Variants in GYG2 observed in about 807,000 individuals in gnomAD.
The protein encoded by GYG2 is glycogenin 2.
Under a neutral mutation model 29.4 loss-of-function variants are expected in GYG2, and 29 were observed. That is an observed-to-expected ratio of 0.99 (90% CI 0.74 to 1.35). The LOEUF (loss-of-function observed/expected upper bound fraction) is 1.35, where lower values mean the gene tolerates loss of function less well. GYG2 is among the 40% of genes most tolerant of loss of function. The pLI, the probability that GYG2 is intolerant of heterozygous loss-of-function variation, is 0.00. For synonymous variants in GYG2, 167 were observed against 172.3 expected, an observed-to-expected ratio of 0.97 and a Z score of 0.24; for missense variants, 370 against 385.7, an observed-to-expected ratio of 0.96 and a Z score of 0.34.
intron 2 of GYG2, among the ~76,000 whole-genome samples, chrX:2,832,120 C>G (rs1479697318): frequency 8.9e-6 from 1 of 112,933 alleles, no homozygotes. Flanking sequence ...GGAAGCTAAG[C>G]CCTGTCAATC....
intron 8 of GYG2, among the ~76,000 whole-genome samples, chrX:2,868,277 G>A (rs769863902): frequency 9.3e-6 from 1 of 108,005 alleles, no homozygotes; most frequent in African/African-American, 3.4e-5. Flanking sequence ...GTAGGCTGAG[G>A]CAGGCAGTTC....
chrX:2,880,439 T>TGTGC lies in GYG2; in HGVS notation c.1252-612_1252-611insTGCG, dbSNP rs1555902174. Among the ~76,000 whole-genome samples, 124 of 103,759 alleles carry TGTGC rather than the reference T, an allele frequency of 1.2e-3. 8 individuals are homozygous for TGTGC. The East Asian group carries it at 0.019, about 16-fold the overall frequency. The allele number at this position is 103,759 out of a possible 115,157, so 90.1% of individuals were successfully genotyped here. ...TAGTGTGTGTGTGTGTGTGTGTGTG[T>TGTGC]GCACATGCGCATGTGTGCATGTGTG... On this transcript the variant is annotated intron_variant, in intron 10 of 10. Coordinates refer to ENST00000398806, the MANE Select transcript of GYG2 (RefSeq NM_001079855.2).
At chrX:2,862,554 T>C (rs1311313260) in intron 8 of GYG2, among the ~76,000 whole-genome samples, 2 of 111,354 alleles carry the variant, frequency 1.8e-5, no homozygotes, top group Admixed American at 1.9e-4. Flanking sequence ...ACTTGAACAG[T>C]GGTTGAAGTG....
Position 2,855,106 on chromosome X carries a change from C to A in GYG2, c.438C>A (p.His146Gln), listed in dbSNP as rs759783861. Residue 146 changes from histidine (H) to glutamine (Q), a missense_variant, in exon 5 of 11, where the codon CAC becomes CAA. Physicochemically the swap from His to Gln is conservative, Grantham distance 24. Coordinates refer to ENST00000398806, the MANE Select transcript of GYG2 (RefSeq NM_001079855.2). Reference protein sequence around the residue: ...SGVFVFQPSLHTHKLLLQHAM... With the variant: ...SGVFVFQPSLQTHKLLLQHAM... ...TGTTTGTCTTCCAGCCTTCTCTCCACACGCATAAACTCCTGCTACAGCACG... is the reference window on the plus strand; with the variant it reads ...TGTTTGTCTTCCAGCCTTCTCTCCAAACGCATAAACTCCTGCTACAGCACG... 1.7e-6 allele frequency: 2 copies of A among 1,211,377 alleles called. No individual in the cohort carries two copies. The highest frequency in any genetic ancestry group is 2.2e-6 in the Non-Finnish European group (2 of 895,076).
intron 2 of GYG2, among the ~76,000 whole-genome samples, chrX:2,842,825 T>TG (rs1431947203): frequency 1.8e-5 from 2 of 108,361 alleles, no homozygotes; most frequent in Non-Finnish European, 3.8e-5. Context: ...GATTTTTTTT[T>TG]TTTTTTTGAG....
In GYG2 at chrX:2,881,863, G is replaced by T. The variant is rs1325458458; in HGVS notation, c.*650G>T. On this transcript the variant is annotated 3_prime_UTR_variant, in exon 11 of 11. Transcript: ENST00000398806. ...GAAGAAAGATTGTAGGTGGCTTGGG[G>T]AATGTGGGTGGCTTAGAGGATCTAA... is the stretch of plus-strand genomic sequence containing the variant. The T allele has an allele frequency of 9.0e-6, 1 of 111,503 alleles. No homozygotes were observed. Among genetic ancestry groups the T allele is most frequent in the Non-Finnish European group, 1.9e-5 (1 of 53,115 alleles). The allele number at this position is 111,503 out of a possible 1,213,427, so 9.2% of individuals were successfully genotyped here.
At chrX:2,863,352 G>A (rs1443933503) in intron 8 of GYG2, among the ~76,000 whole-genome samples, 1 of 111,631 alleles carries the variant, frequency 9.0e-6, no homozygotes, top group African/African-American at 3.3e-5. Context: ...GGGATTACAG[G>A]CGTGAACCAC....
Position 2,881,438 on chromosome X carries a change from A to G in GYG2, c.*225A>G, listed in dbSNP as rs211659. 1 of 353,339 alleles carries G rather than the reference A, an allele frequency of 2.8e-6. No homozygotes were observed. The highest frequency in any genetic ancestry group is 5.2e-5 in the Admixed American group (1 of 19,083). 29.1% of individuals were successfully genotyped at this position (353,339 alleles called of 1,213,427 possible). A position where few individuals can be genotyped will look rare whatever the true frequency, so the allele number is the denominator to read the frequency against. On this transcript the variant is annotated 3_prime_UTR_variant, in exon 11 of 11. Coordinates refer to ENST00000398806, the MANE Select transcript of GYG2 (RefSeq NM_001079855.2). ...CACCAACGCCTTCTGGGCTTTCTTC[A>G]GAGGTCACTTCTACCCTTGAAGCTG...
intron 2 of GYG2, among the ~76,000 whole-genome samples, chrX:2,833,871 T>C (rs1453747794): frequency 8.9e-6 from 1 of 112,665 alleles, no homozygotes; most frequent in East Asian, 2.8e-4. Context: ...CTCTGCACCT[T>C]GCTTTGGGCC....
Position 2,881,066 on chromosome X carries a change from C to T in GYG2, c.1266C>T (p.Val422=). 8.3e-7 allele frequency: 1 copy of T among 1,210,224 alleles called. No individual in the cohort carries two copies. Among genetic ancestry groups the T allele is most frequent in the Non-Finnish European group, 1.1e-6 (1 of 894,602 alleles). Residue 422 remains valine (V), a synonymous_variant, in exon 11 of 11, where the codon GTC becomes GTT. Transcript: ENST00000398806. ...LQDALEVDLA[V]SVSQISIEEK... ...GTCTTCCCTAGGTCGACCTGGCCGT[C>T]TCTGTTTCCCAGATCTCCATCGAAG...
At chrX:2,870,439 G>A (rs6641668) in intron 8 of GYG2, among the ~76,000 whole-genome samples, 9,790 of 110,544 alleles carry the variant, frequency 0.089, 453 homozygotes, top group South Asian at 0.3. Flanking sequence ...CTGACCTCAG[G>A]TGATCCACCT....
intron 3 of GYG2, among the ~76,000 whole-genome samples, chrX:2,849,325 G>T (rs12006764): frequency 0.22 from 23,939 of 110,472 alleles, 2,449 homozygotes; most frequent in African/African-American, 0.4. Flanking sequence ...CTTTTTCAGA[G>T]AAATAGTTAC....
At position 2,875,862 on chromosome X, in the gene GYG2, T is replaced by TGTCCCAGCCGAGG. The variant is rs760701791; in HGVS notation, c.1100_1101insGAGGGTCCCAGCC (p.Ser368ArgfsTer15). 3 of 1,195,936 alleles carry TGTCCCAGCCGAGG rather than the reference T, an allele frequency of 2.5e-6. No homozygotes were observed. Among genetic ancestry groups the TGTCCCAGCCGAGG allele is most frequent in the Admixed American group, 4.4e-5 (2 of 45,895 alleles). ...CCTGCCGTGATAACGTGTGACCCACTGTCCCAGCCTTCCCCTCAGCCTGCA... is the reference window on the plus strand; with the variant it reads ...CCTGCCGTGATAACGTGTGACCCACTGTCCCAGCCGAGGGTCCCAGCCTTCCCCTCAGCCTGCA... On this transcript the variant is annotated frameshift_variant, in exon 9 of 11. Transcript: ENST00000398806. LOFTEE classifies it high-confidence loss of function.
chrX:2,877,174 C>T (rs1183763599), intron 9 of GYG2, 26 bp from the exon 10 acceptor site: 1 of 1,205,349 alleles, frequency 8.3e-7, no homozygotes, highest in East Asian at 3.0e-5. Flanking sequence ...CCACCGCAGA[C>T]TAATGATGGA....
At chrX:2,856,735 A>G (rs866852116) in intron 6 of GYG2, 111 bp downstream of exon 6, 98 of 484,190 alleles carry the variant, frequency 2.0e-4, no homozygotes, top group Admixed American at 1.8e-4. Context: ...CTATCTATCT[A>G]TCATCTATCT....
intron 10 of GYG2, 156 bp downstream of exon 10, chrX:2,877,463 T>C: frequency 9.2e-7 from 1 of 1,084,987 alleles, no homozygotes; most frequent in Non-Finnish European, 1.2e-6. Context: ...CTGATTCTTC[T>C]GTCTTCTCTC....
At chrX:2,851,472 G>A (rs778082136) in intron 3 of GYG2, among the ~76,000 whole-genome samples, 1 of 112,042 alleles carries the variant, frequency 8.9e-6, no homozygotes, top group East Asian at 2.8e-4. Flanking sequence ...TCGAACTCCT[G>A]ATGTCAGGTG....
At chrX:2,846,036 C>CACACATATATATAT (rs1199380183) in intron 3 of GYG2, among the ~76,000 whole-genome samples, 2 of 33,056 alleles carry the variant, frequency 6.1e-5, no homozygotes, top group African/African-American at 2.2e-4. Context: ...TATATATACA[C>CACACATATATATAT]ATATATATAT....
intron 3 of GYG2, among the ~76,000 whole-genome samples, chrX:2,847,634 G>C (rs1158945297): frequency 9.2e-6 from 1 of 108,164 alleles, no homozygotes; most frequent in Non-Finnish European, 1.9e-5. Context: ...GAGCTCGGGA[G>C]GTTAAGGTTG....
Sources: gnomAD v4.1 joint callset for allele counts (sites outside exome capture counted in the v4.1 genomes callset) on GRCh38, gnomAD v4.1.1 for gene constraint, MANE v1.5 for transcripts, NCBI Gene and HGNC (gene_info 2026-07-23, HGNC 2026-07-21) for gene names.